Variants in AP2B1 observed in about 807,000 individuals in gnomAD.
AP2B1 encodes the protein adaptor related protein complex 2 subunit beta 1.
In AP2B1, 23 loss-of-function variants were observed where a neutral mutation model predicts 102.0. The ratio of observed to expected loss-of-function variants is 0.23; its 90% confidence interval spans 0.16 to 0.32. The LOEUF (loss-of-function observed/expected upper bound fraction) is 0.32, where lower values mean the gene tolerates loss of function less well. Among genes scored for constraint, AP2B1 ranks in the 10% least tolerant of loss-of-function variants. The pLI, the probability that AP2B1 is intolerant of heterozygous loss-of-function variation, is 1.00. For missense variants in AP2B1, 541 were observed against 1,157.4 expected, an observed-to-expected ratio of 0.47 and a Z score of 7.73; for synonymous variants, 381 against 421.2, an observed-to-expected ratio of 0.90 and a Z score of 1.17.
intron 10 of AP2B1, 71 bp from the exon 11 acceptor site, chr17:35,639,524 C>T: frequency 2.8e-6 from 4 of 1,434,482 alleles, no homozygotes; most frequent in South Asian, 1.4e-5. Flanking sequence ...TGTGGTTTTG[C>T]CTTTAGCCTT....
At chr17:35,618,581 C>T (rs1355192881) in intron 5 of AP2B1, among the ~76,000 whole-genome samples, 2 of 152,016 alleles carry the variant, frequency 1.3e-5, no homozygotes, top group Admixed American at 6.5e-5. Flanking sequence ...TCCAAGGCCA[C>T]GAAAATGAGT....
intron 5 of AP2B1, among the ~76,000 whole-genome samples, chr17:35,623,825 G>C (rs2074246857): frequency 6.6e-6 from 1 of 152,164 alleles, no homozygotes. Flanking sequence ...AATCTGTGAG[G>C]TGGATTAAAT....
intron 21 of AP2B1, among the ~76,000 whole-genome samples, chr17:35,719,265 G>A (rs1244295508): frequency 6.6e-6 from 1 of 151,890 alleles, no homozygotes; most frequent in Non-Finnish European, 1.5e-5. Context: ...TTTGGGGGTG[G>A]GGGATTGGTA....
chr17:35,596,556 A>T (rs2073282797), intron 2 of AP2B1, among the ~76,000 whole-genome samples: 1 of 141,660 alleles, frequency 7.1e-6, no homozygotes, highest in African/African-American at 2.7e-5. Flanking sequence ...GTCAGGTTTT[A>T]ATGTCCCAGT....
At chr17:35,680,988 T>G (rs1347582907) in intron 17 of AP2B1, among the ~76,000 whole-genome samples, 6 of 152,108 alleles carry the variant, frequency 3.9e-5, no homozygotes, top group Admixed American at 1.3e-4. Context: ...AGCCACTGTT[T>G]CCAGCCCCAG....
intron 17 of AP2B1, 53 bp from the exon 18 acceptor site, chr17:35,682,642 C>G (rs2075849048): frequency 1.9e-6 from 3 of 1,578,646 alleles, no homozygotes; most frequent in Non-Finnish European, 8.6e-7. Flanking sequence ...CCATGCCCAG[C>G]CTAAATTCTG....
chr17:35,652,535 A>G (rs981073031), intron 13 of AP2B1, among the ~76,000 whole-genome samples: 1 of 152,206 alleles, frequency 6.6e-6, no homozygotes, highest in African/African-American at 2.4e-5. Flanking sequence ...GGGGTGAGGT[A>G]GTAAATAGTT....
chr17:35,635,540 C>A (rs141062732), intron 9 of AP2B1, among the ~76,000 whole-genome samples: 1 of 151,996 alleles, frequency 6.6e-6, no homozygotes, highest in Non-Finnish European at 1.5e-5. Context: ...CCTGCCACCA[C>A]GCCCGGCTAA....
intron 17 of AP2B1, among the ~76,000 whole-genome samples, chr17:35,682,334 C>CTTT (rs587645888): frequency 3.0e-3 from 219 of 72,048 alleles, no homozygotes; most frequent in Non-Finnish European, 3.6e-3. Context: ...AATCCTGCCT[C>CTTT]TTTTTTTTTT....
intron 2 of AP2B1, among the ~76,000 whole-genome samples, chr17:35,595,690 T>C (rs2073246850): frequency 3.3e-5 from 5 of 152,302 alleles, no homozygotes; most frequent in Admixed American, 2.6e-4. Context: ...AATAAAGTTG[T>C]AGAATATATG....
At chr17:35,635,460 C>CTA (rs1479542497) in intron 9 of AP2B1, among the ~76,000 whole-genome samples, 14 of 151,846 alleles carry the variant, frequency 9.2e-5, no homozygotes, top group African/African-American at 3.4e-4. Flanking sequence ...TCTCGGCTAA[C>CTA]TACAACCTCT....
chr17:35,697,175 C>T (rs1205663925), intron 18 of AP2B1, among the ~76,000 whole-genome samples: 1 of 152,176 alleles, frequency 6.6e-6, no homozygotes, highest in Non-Finnish European at 1.5e-5. Context: ...AATCTGAAGA[C>T]TACAATCACA....
At chr17:35,720,545 TTATATATA>T (rs1213888032) in intron 21 of AP2B1, among the ~76,000 whole-genome samples, 109 of 54,348 alleles carry the variant, frequency 2.0e-3, no homozygotes, top group African/African-American at 2.9e-3. Context: ...TTTATTTTAT[TTATATATA>T]TATATATATA....
At chr17:35,715,008 C>G (rs2076525284) in intron 20 of AP2B1, among the ~76,000 whole-genome samples, 1 of 152,222 alleles carries the variant, frequency 6.6e-6, no homozygotes, top group Non-Finnish European at 1.5e-5. Flanking sequence ...CTCCTTATAT[C>G]TGGCTTCCCT....
chr17:35,671,203 G>C (rs913401954), intron 15 of AP2B1, among the ~76,000 whole-genome samples: 1 of 152,108 alleles, frequency 6.6e-6, no homozygotes, highest in Non-Finnish European at 1.5e-5. Flanking sequence ...CTTATTCCCT[G>C]GTGTCACCTA....
rs144486877 is a variant in AP2B1, at chr17:35,717,054, G to C, written c.2627-141G>C. ...ACTTTTTGCTATTGTGTGGGAGAAT[G>C]GCTTCTGAAGTGTACACATGTCCAT... On this transcript the variant is annotated intron_variant, in intron 20 of 21. Coordinates refer to ENST00000610402, the MANE Select transcript of AP2B1 (RefSeq NM_001030006.2). 5.0e-5 allele frequency: 43 copies of C among 863,348 alleles called. No homozygotes were observed. The Middle Eastern group carries it at 1.1e-3, about 22-fold the overall frequency. 53.5% of individuals were successfully genotyped at this position (863,348 alleles called of 1,614,324 possible).
intron 12 of AP2B1, among the ~76,000 whole-genome samples, chr17:35,644,121 T>A (rs2074859595): frequency 6.6e-6 from 1 of 152,178 alleles, no homozygotes; most frequent in African/African-American, 2.4e-5. Context: ...ATTTTATAGA[T>A]GAGGAAACTC....
chr17:35,665,529 TAGAA>T (rs1233060380), intron 14 of AP2B1, among the ~76,000 whole-genome samples: 1 of 152,212 alleles, frequency 6.6e-6, no homozygotes, highest in Non-Finnish European at 1.5e-5. Context: ...TAAACTCTGT[TAGAA>T]AGACACACAC....
intron 10 of AP2B1, among the ~76,000 whole-genome samples, chr17:35,638,224 G>T (rs950327701): frequency 6.6e-6 from 1 of 152,164 alleles, no homozygotes; most frequent in African/African-American, 2.4e-5. Context: ...TTAATAAAGA[G>T]TTAGGACGGT....
Sources: allele counts gnomAD v4.1 joint callset (sites outside exome capture counted in the v4.1 genomes callset), GRCh38; gene constraint gnomAD v4.1.1; transcripts MANE v1.5; gene names NCBI Gene and HGNC (gene_info 2026-07-23, HGNC 2026-07-21).